NAV2: variants seen among roughly 807,000 people sequenced by gnomAD.
NAV2 encodes neuron navigator 2, also known as helicase, APC down-regulated 1.
A neutral mutation model predicts 223.2 loss-of-function variants in NAV2; 54 were observed. The ratio of observed to expected loss-of-function variants is 0.24; its 90% CI spans 0.19 to 0.30. The LOEUF is 0.30. Among genes scored for constraint, NAV2 ranks in the 10% least tolerant of loss-of-function variants. NAV2 has a pLI of 1.00. For synonymous variants in NAV2, 1,279 were observed against 1,239.3 expected (o/e 1.03, Z -0.67); for missense variants, 2,806 against 3,147.5 (o/e 0.89, Z 2.60).
intron 5 of NAV2, among the ~76,000 whole-genome samples, chr11:19,882,965 C>T (rs1024773223): frequency 2.6e-5 from 4 of 152,162 alleles, no homozygotes; most frequent in African/African-American, 9.7e-5. Context: ...TATGCTATCC[C>T]ATGCTAACAC....
chr11:19,767,434 C>T (rs1440619978), intron 1 of NAV2, among the ~76,000 whole-genome samples: 1 of 152,188 alleles, frequency 6.6e-6, no homozygotes, highest in African/African-American at 2.4e-5. Context: ...TTTTCTCCTA[C>T]ACAATTATAA....
intron 10 of NAV2, among the ~76,000 whole-genome samples, chr11:19,950,624 TTAGAACTATCTTGGG>T (rs2047315462): frequency 6.6e-6 from 1 of 152,250 alleles, no homozygotes; most frequent in Non-Finnish European, 1.5e-5. Flanking sequence ...CCTGTTACTT[TTAGAACTATCTTGGG>T]TAGTGAAATC....
Position 19,542,483 on chromosome 11 carries a change from C to T in NAV2, c.75+191456C>T, listed in dbSNP as rs778445001. On this transcript the variant is annotated intron_variant, in intron 1 of 37. Coordinates refer to the NAV2 transcript ENST00000360655. Reference sequence around the variant, plus strand: ...GCCCGAGCTCTTAAGCACTTTGCTCCGCTGCCCAGAGTAAGAATAGCTAAC... The same window carrying T: ...GCCCGAGCTCTTAAGCACTTTGCTCTGCTGCCCAGAGTAAGAATAGCTAAC... Among the ~76,000 whole-genome samples, 5 of 152,200 alleles carry T rather than the reference C, an allele frequency of 3.3e-5. No homozygotes were observed. In the East Asian group the frequency reaches 5.8e-4, roughly 18 times the overall value.
intron 1 of NAV2, among the ~76,000 whole-genome samples, chr11:19,619,553 G>C (rs1341427164): frequency 1.3e-5 from 2 of 152,186 alleles, no homozygotes; most frequent in African/African-American, 4.8e-5. Context: ...CTGCATAAAT[G>C]TCTTCTTTTA....
chr11:19,392,660 C>A (rs956013367), intron 1 of NAV2, among the ~76,000 whole-genome samples: 1 of 152,162 alleles, frequency 6.6e-6, no homozygotes, highest in East Asian at 1.9e-4. Context: ...GCATTCTGTT[C>A]ATTGGGAGTG....
At chr11:19,506,077 G>A (rs1281267214) in intron 1 of NAV2, 10 of 152,246 alleles carry the variant, frequency 6.6e-5, no homozygotes, top group African/African-American at 2.4e-4. Context: ...AAGAAGGAAT[G>A]TATGTGTCCT....
In NAV2 at chr11:19,593,388, A is replaced by T. The variant is rs545617117; in HGVS notation, c.76-239096A>T. Among the ~76,000 whole-genome samples, 32 of 139,132 alleles carry T rather than the reference A, an allele frequency of 2.3e-4. 1 individual carries two copies. The highest frequency in any genetic ancestry group is 4.4e-4 in the Non-Finnish European group (30 of 67,788). The allele number at this position is 139,132 out of a possible 152,430, so 91.3% of individuals were successfully genotyped here. On this transcript the variant is annotated intron_variant, in intron 1 of 37. Coordinates refer to the NAV2 transcript ENST00000360655. Reference sequence around the variant, plus strand: ...TGGATATGCCACCAATATACCACTGATACACACCGATATACCACTGATACA... The same window carrying T: ...TGGATATGCCACCAATATACCACTGTTACACACCGATATACCACTGATACA...
At chr11:20,106,177 G>GTGTGTGTGTGTGTC (rs2062041324) in intron 35 of NAV2, among the ~76,000 whole-genome samples, 1 of 13,804 alleles carries the variant, frequency 7.2e-5, no homozygotes, top group Non-Finnish European at 3.4e-4. Flanking sequence ...ATATATATAT[G>GTGTGTGTGTGTGTC]TGTGTGTATA....
rs2063102325 is a variant in NAV2, at chr11:19,880,035, G to A, written c.678G>A (p.Gln226=). The A allele has an allele frequency of 3.1e-6, 5 of 1,613,646 alleles. No homozygotes were observed. In the South Asian group the frequency reaches 3.3e-5, roughly 11 times the overall value. Residue 226 remains glutamine, a synonymous_variant, in exon 5 of 38, where the codon CAG becomes CAA. Coordinates refer to ENST00000349880, the MANE Select transcript of NAV2 (RefSeq NM_145117.5). ...APSQCQAGTP[Q]QQVPVTPQAP... ...CCCAGTGCCAGGCTGGCACCCCTCA[G>A]CAGCAGGTGCCAGTCACTCCCCAAG...
At chr11:19,660,661 T>C (rs1431778441) in intron 1 of NAV2, among the ~76,000 whole-genome samples, 1 of 152,176 alleles carries the variant, frequency 6.6e-6, no homozygotes, top group East Asian at 1.9e-4. Context: ...GTCGAGAAAG[T>C]GTGGACAAGA....
intron 1 of NAV2, among the ~76,000 whole-genome samples, chr11:19,776,075 A>G (rs987013544): frequency 6.6e-6 from 1 of 151,834 alleles, no homozygotes; most frequent in Non-Finnish European, 1.5e-5. Flanking sequence ...ACGGAAATGA[A>G]TATATAATAA....
chr11:19,808,095 A>G (rs1162820065), intron 1 of NAV2, among the ~76,000 whole-genome samples: 1 of 152,222 alleles, frequency 6.6e-6, no homozygotes, highest in Non-Finnish European at 1.5e-5. Flanking sequence ...GACTAGTCAC[A>G]GAAACTAAGT....
At chr11:19,476,540 C>T (rs189067682) in intron 1 of NAV2, among the ~76,000 whole-genome samples, 1 of 152,234 alleles carries the variant, frequency 6.6e-6, no homozygotes, top group East Asian at 1.9e-4. Context: ...ATGCCACTAC[C>T]CTCACATGTA....
At chr11:19,585,811 C>T (rs1370576440) in intron 1 of NAV2, among the ~76,000 whole-genome samples, 1 of 152,186 alleles carries the variant, frequency 6.6e-6, no homozygotes, top group Admixed American at 6.5e-5. Flanking sequence ...CTGCCCGTAA[C>T]ATTTTTTCTT....
intron 1 of NAV2, among the ~76,000 whole-genome samples, chr11:19,766,309 G>C (rs2055219029): frequency 6.6e-6 from 1 of 152,056 alleles, no homozygotes; most frequent in East Asian, 1.9e-4. Context: ...TGGACTGTGA[G>C]AGGCCAGTTC....
chr11:20,054,321 T>G (rs2058224727), intron 18 of NAV2, 81 bp downstream of exon 18: 1 of 1,369,100 alleles, frequency 7.3e-7, no homozygotes, highest in Admixed American at 3.2e-5. Context: ...TATTTTTATT[T>G]CAATAGTTTT....
chr11:19,926,422 C>G (rs972672966), intron 6 of NAV2, among the ~76,000 whole-genome samples: 46 of 152,264 alleles, frequency 3.0e-4, no homozygotes, highest in African/African-American at 9.1e-4. Context: ...GGAGAGAAGA[C>G]TGTGTTTAAG....
intron 1 of NAV2, among the ~76,000 whole-genome samples, chr11:19,616,018 A>G (rs2046777975): frequency 2.0e-5 from 3 of 152,010 alleles, no homozygotes; most frequent in South Asian, 4.2e-4. Context: ...TGTCCACTTT[A>G]TCTGACAGCC....
chr11:19,762,930 C>T (rs781282154), intron 1 of NAV2, among the ~76,000 whole-genome samples: 1 of 152,034 alleles, frequency 6.6e-6, no homozygotes, highest in Non-Finnish European at 1.5e-5. Flanking sequence ...CTTTTTTATT[C>T]CTTAACATCA....
Sources: gnomAD v4.1 joint callset for allele counts (sites outside exome capture counted in the v4.1 genomes callset) on GRCh38, gnomAD v4.1.1 for gene constraint, MANE v1.5 for transcripts, NCBI Gene and HGNC (gene_info 2026-07-23, HGNC 2026-07-21) for gene names.